The following INPP4A variants were observed in gnomAD, a reference collection of about 807,000 sequenced individuals.
INPP4A encodes inositol polyphosphate-4-phosphatase type I A.
Under a neutral mutation model 119.8 loss-of-function variants are expected in INPP4A, and 33 were observed. That is an observed-to-expected ratio of 0.28 (90% confidence interval 0.21 to 0.37). The LOEUF is 0.37. Ranked by LOEUF, INPP4A falls within the 10% of genes least tolerant of loss-of-function variation. The pLI is 1.00. For synonymous variants in INPP4A, 496 were observed against 500.7 expected, an observed-to-expected ratio of 0.99 and a Z score of 0.12; for missense variants, 956 against 1,289.9, an observed-to-expected ratio of 0.74 and a Z score of 3.97.
intron 1 of INPP4A, among the ~76,000 whole-genome samples, chr2:98,514,778 A>T (rs1685782444): frequency 6.6e-6 from 1 of 152,032 alleles, no homozygotes; most frequent in Non-Finnish European, 1.5e-5. Context: ...AATTATCCAG[A>T]TGTGGTGGCA....
At chr2:98,558,407 A>G (rs970560803) in intron 16 of INPP4A, among the ~76,000 whole-genome samples, 2 of 152,310 alleles carry the variant, frequency 1.3e-5, no homozygotes, top group African/African-American at 2.4e-5. Context: ...GTGGGTTTCT[A>G]TCTTTGTTAG....
At position 98,546,714 on chromosome 2, in the gene INPP4A, T is replaced by A. The variant is rs1012572319; in HGVS notation, c.1163+20T>A. 7.1e-7 allele frequency: 1 copy of A among 1,408,346 alleles called. No individual in the cohort carries two copies. The highest frequency in any genetic ancestry group is 1.0e-6 in the Non-Finnish European group (1 of 992,496). The allele number at this position is 1,408,346 out of a possible 1,614,324, so 87.2% of individuals were successfully genotyped here. A position where few individuals can be genotyped will look rare whatever the true frequency, so the allele number is the denominator to read the frequency against. On this transcript the variant is annotated intron_variant, in intron 13 of 24. Coordinates refer to ENST00000409851, the MANE Select transcript of INPP4A (RefSeq NM_001134225.2). This position sits in a 1 kb window ranked among gnomAD's most constrained non-coding sequence, Gnocchi z 4.2. ...GAAACAGTAAGTAGCCAGAGAGGGT[T>A]TGTGGTCCTTGTACAGCTTTCTGAT...
intron 1 of INPP4A, among the ~76,000 whole-genome samples, chr2:98,466,831 A>T (rs185365168): frequency 6.6e-6 from 1 of 152,266 alleles, no homozygotes; most frequent in African/African-American, 2.4e-5. Flanking sequence ...TTTTTTGGGC[A>T]GTCCCTGAAT....
chr2:98,585,836 A>G (rs1559128935), intron 24 of INPP4A, among the ~76,000 whole-genome samples: 1 of 152,258 alleles, frequency 6.6e-6, no homozygotes, highest in Non-Finnish European at 1.5e-5. Context: ...AATAAAAGAT[A>G]ATGTCAAAGT....
intron 23 of INPP4A, among the ~76,000 whole-genome samples, chr2:98,576,687 A>T (rs888448982): frequency 3.3e-5 from 5 of 152,200 alleles, no homozygotes; most frequent in Non-Finnish European, 7.4e-5. Flanking sequence ...GGAAGGGGAC[A>T]GCGGACTGCA....
intron 24 of INPP4A, among the ~76,000 whole-genome samples, chr2:98,582,281 C>T (rs1372876086): frequency 1.3e-5 from 2 of 152,190 alleles, no homozygotes; most frequent in East Asian, 1.9e-4. Flanking sequence ...CATTTCAAAG[C>T]GTAGTCCCTG....
chr2:98,450,840 C>T (rs576302256), intron 1 of INPP4A, among the ~76,000 whole-genome samples: 8 of 152,280 alleles, frequency 5.3e-5, no homozygotes, highest in Admixed American at 6.5e-5. Context: ...CCTGCAACCT[C>T]GGCTCACTGC....
chr2:98,483,161 G>A (rs533386759), intron 1 of INPP4A, among the ~76,000 whole-genome samples: 2 of 152,292 alleles, frequency 1.3e-5, no homozygotes, highest in African/African-American at 4.8e-5. Context: ...ACAATACAGT[G>A]AATCGCAACT....
At position 98,566,204 on chromosome 2, in the gene INPP4A, G is replaced by C. The variant is rs540222652; in HGVS notation, c.2420+35G>C. On this transcript the variant is annotated intron_variant, in intron 21 of 24. Coordinates refer to ENST00000409851, the MANE Select transcript of INPP4A (RefSeq NM_001134225.2). This position sits in a 1 kb window ranked among gnomAD's most constrained non-coding sequence, Gnocchi z 4.2. ...GGCTCCTCGGGGCTGCGGGGGTGTG[G>C]TGGCCCTGGAGATGATGCAGAAAAC... The C allele has an allele frequency of 3.9e-5, 60 of 1,547,344 alleles. No homozygotes were observed. In the East Asian group the frequency reaches 1.4e-3, roughly 37 times the overall value.
intron 1 of INPP4A, among the ~76,000 whole-genome samples, chr2:98,498,253 G>T (rs920093226): frequency 2.0e-5 from 3 of 151,906 alleles, no homozygotes; most frequent in African/African-American, 7.3e-5. Flanking sequence ...AATCATGGGG[G>T]GTGGATTCTC....
At chr2:98,490,435 A>G (rs1680467237) in intron 1 of INPP4A, among the ~76,000 whole-genome samples, 1 of 151,912 alleles carries the variant, frequency 6.6e-6, no homozygotes, top group East Asian at 1.9e-4. Flanking sequence ...CTGTGGGAGG[A>G]GCTGTGTCCA....
intron 24 of INPP4A, among the ~76,000 whole-genome samples, chr2:98,581,115 C>G (rs760230735): frequency 6.6e-6 from 1 of 152,174 alleles, no homozygotes; most frequent in Non-Finnish European, 1.5e-5. Context: ...TTTGTACCAC[C>G]CCCTGCTCAG....
Position 98,543,943 on chromosome 2 carries a change from C to T in INPP4A, c.885C>T (p.Val295=), listed in dbSNP as rs767586665. 1.4e-5 allele frequency: 22 copies of T among 1,602,368 alleles called. No homozygotes were observed. The highest frequency in any genetic ancestry group is 1.8e-5 in the Non-Finnish European group (21 of 1,174,154). The part of the protein sequence containing the change: ...PCWESLRRQI[V]TQYQTIILTY... The stretch of plus-strand genomic sequence containing the variant: ...GGGAGAGCCTCCGGCGCCAAATTGT[C>T]ACCCAGTACCAGACCATCATCCTCA... Residue 295 remains valine (V), a synonymous_variant, in exon 11 of 25, where the codon GTC becomes GTT. Transcript: ENST00000409851.
intron 8 of INPP4A, among the ~76,000 whole-genome samples, 200 bp downstream of exon 8, chr2:98,538,174 C>T (rs1321717868): frequency 2.6e-5 from 4 of 152,334 alleles, no homozygotes; most frequent in South Asian, 4.1e-4. Flanking sequence ...AGCCCTGCTG[C>T]CCTGGAGCCG....
intron 1 of INPP4A, among the ~76,000 whole-genome samples, chr2:98,469,025 A>G (rs1481964694): frequency 6.6e-6 from 1 of 152,180 alleles, no homozygotes; most frequent in Non-Finnish European, 1.5e-5. Context: ...AATTTTCCCC[A>G]TCCTGGCTGT....
chr2:98,567,279 G>T (rs890273565), intron 21 of INPP4A, among the ~76,000 whole-genome samples: 2 of 152,110 alleles, frequency 1.3e-5, no homozygotes, highest in Non-Finnish European at 1.5e-5. Context: ...CAGTGGAAGG[G>T]TTTGGTCTTC....
intron 11 of INPP4A, 125 bp from the exon 12 acceptor site, chr2:98,545,844 T>G (rs1692383069): frequency 1.5e-6 from 1 of 657,488 alleles, no homozygotes; most frequent in African/African-American, 1.9e-5. Context: ...CTCAGAATCT[T>G]CTAGGCCACT....
At chr2:98,465,871 C>T (rs926139864) in intron 1 of INPP4A, among the ~76,000 whole-genome samples, 44 of 152,104 alleles carry the variant, frequency 2.9e-4, no homozygotes, top group African/African-American at 1.0e-3. Flanking sequence ...CTTGAGCAGA[C>T]GGTGGCTTGG....
chr2:98,561,367 G>T (rs1479362849), intron 17 of INPP4A, among the ~76,000 whole-genome samples: 2 of 152,172 alleles, frequency 1.3e-5, no homozygotes, highest in Admixed American at 6.5e-5. Context: ...AGTGACCCAG[G>T]TGCCTTTACT....
Sources: gnomAD v4.1 joint callset for allele counts (sites outside exome capture counted in the v4.1 genomes callset) on GRCh38, gnomAD v4.1.1 for gene constraint, Gnocchi (gnomAD v3.1) non-coding constraint, MANE v1.5 for transcripts, NCBI Gene and HGNC (gene_info 2026-07-23, HGNC 2026-07-21) for gene names.